The following H3-3A variants were observed in gnomAD, a reference collection of about 807,000 sequenced individuals.
H3-3A encodes H3.3 histone A.
For synonymous variants in H3-3A, 49 were observed against 61.4 expected (o/e 0.80, Z 0.95); for missense variants, 7 against 184.0 (o/e 0.04, Z 5.57).
chr1:226,062,614 A>T (rs1292741771), upstream of H3-3A: 2 of 112,468 alleles, frequency 1.8e-5, no homozygotes, highest in East Asian at 2.5e-4. Flanking sequence ...GAGAGGAGCT[A>T]TGGGGGCGGG....
At chr1:226,068,093 T>C (rs1419984820) in intron 3 of H3-3A, among the ~76,000 whole-genome samples, 1 of 152,272 alleles carries the variant, frequency 6.6e-6, no homozygotes, top group Non-Finnish European at 1.5e-5. Flanking sequence ...TGTAGTTCTT[T>C]TTTTTCTTTG....
At chr1:226,068,196 A>G (rs562724655) in intron 3 of H3-3A, among the ~76,000 whole-genome samples, 9 of 152,318 alleles carry the variant, frequency 5.9e-5, no homozygotes, top group Admixed American at 2.6e-4. Flanking sequence ...ACTTTGGGTT[A>G]CTTGTAATAA....
chr1:226,065,204 AT>A (rs1043765616), intron 2 of H3-3A, among the ~76,000 whole-genome samples: 8 of 152,202 alleles, frequency 5.3e-5, no homozygotes, highest in Non-Finnish European at 8.8e-5. Context: ...GGGTAGAGGT[AT>A]TCTGGGAAAT....
At chr1:226,063,410 T>G (rs913445212) in intron 1 of H3-3A, among the ~76,000 whole-genome samples, 1 of 124,344 alleles carries the variant, frequency 8.0e-6, no homozygotes, top group Admixed American at 7.4e-5. Flanking sequence ...CTTGATGCAT[T>G]TGAAATGCAA....
intron 3 of H3-3A, among the ~76,000 whole-genome samples, chr1:226,068,382 C>G (rs889864797): frequency 3.3e-5 from 5 of 152,216 alleles, no homozygotes; most frequent in African/African-American, 1.2e-4. Flanking sequence ...GAAAGGCCAC[C>G]AGAACCATGG....
rs1348808591 is a variant in H3-3A, at chr1:226,070,081, C to T, written c.283-1270C>T. Among the ~76,000 whole-genome samples, 4 of 152,150 alleles carry T rather than the reference C, an allele frequency of 2.6e-5. No homozygotes were observed. In the South Asian group the frequency reaches 8.3e-4, roughly 32 times the overall value. On this transcript the variant is annotated intron_variant, in intron 3 of 3. Transcript: ENST00000366815. Reference sequence around the variant, plus strand: ...ATGGGAAAAACCAGAGAAATCGATACTAGTACTAGAGGGCAACAAATGCTG... The same window carrying T: ...ATGGGAAAAACCAGAGAAATCGATATTAGTACTAGAGGGCAACAAATGCTG...
intron 1 of H3-3A, among the ~76,000 whole-genome samples, chr1:226,063,076 C>T (rs1657789891): frequency 6.6e-6 from 1 of 151,924 alleles, no homozygotes; most frequent in South Asian, 2.1e-4. Flanking sequence ...GCCCCTGGCT[C>T]CTCTTTCTTC....
At position 226,071,849 on chromosome 1, in the gene H3-3A, A is replaced by G; in HGVS notation, c.*370A>G. The G allele has an allele frequency of 4.8e-6, 1 of 208,230 alleles. No homozygotes were observed. The highest frequency in any genetic ancestry group is 9.5e-6 in the Non-Finnish European group (1 of 105,546). 12.9% of individuals were successfully genotyped at this position (208,230 alleles called of 1,614,324 possible). On this transcript the variant is annotated 3_prime_UTR_variant, in exon 4 of 4. Transcript: ENST00000366815. The stretch of plus-strand genomic sequence containing the variant: ...AGTAAATTTCTTATTGATGGCAACT[A>G]AATGGTGTTTGTAGCATTTTTATCA...
At chr1:226,071,285 C>T (rs962160808) in intron 3 of H3-3A, 66 bp from the exon 4 acceptor site, 38 of 1,302,618 alleles carry the variant, frequency 2.9e-5, no homozygotes, top group Non-Finnish European at 3.9e-5. Context: ...TGTTTTAATT[C>T]GTATAGTTGG....
intron 3 of H3-3A, among the ~76,000 whole-genome samples, chr1:226,070,352 G>C (rs192330336): frequency 6.6e-6 from 1 of 151,868 alleles, no homozygotes; most frequent in Non-Finnish European, 1.5e-5. Context: ...GGCGCCTGTA[G>C]CCCGAGCTAC....
At chr1:226,062,964 C>T (rs1024206133) in intron 1 of H3-3A, among the ~76,000 whole-genome samples, 153 bp downstream of exon 1, 1 of 152,052 alleles carries the variant, frequency 6.6e-6, no homozygotes, top group Admixed American at 6.5e-5. Context: ...GAGCGAGTTT[C>T]CCTGTTCCCT....
At chr1:226,069,581 C>G (rs1051740795) in intron 3 of H3-3A, among the ~76,000 whole-genome samples, 54 of 152,108 alleles carry the variant, frequency 3.6e-4, no homozygotes, top group African/African-American at 1.3e-3. Flanking sequence ...CCTGTAATCC[C>G]AGCACTTTGG....
At chr1:226,069,111 A>G (rs544845582) in intron 3 of H3-3A, among the ~76,000 whole-genome samples, 6 of 151,384 alleles carry the variant, frequency 4.0e-5, no homozygotes. Flanking sequence ...CAGTGGTGCA[A>G]TCTCGGCTTA....
intron 2 of H3-3A, among the ~76,000 whole-genome samples, chr1:226,064,893 C>T (rs1473484499): frequency 2.0e-5 from 3 of 151,972 alleles, no homozygotes; most frequent in African/African-American, 4.8e-5. Context: ...AAGTTCCTAC[C>T]CCCTCATTTA....
rs114553724 is a variant in H3-3A at position 226,069,933 on chromosome 1, G to C, written c.283-1418G>C. ...AGTATACTAAGAATTTGAGTTATGAGTTAATTCTAAGTGGAAACGCCCCTT... is the reference window on the plus strand; with the variant it reads ...AGTATACTAAGAATTTGAGTTATGACTTAATTCTAAGTGGAAACGCCCCTT... On this transcript the variant is annotated intron_variant, in intron 3 of 3. Transcript: ENST00000366815. Among the ~76,000 whole-genome samples, 1,026 of 152,318 alleles carry C rather than the reference G, an allele frequency of 6.7e-3. 12 individuals are homozygous for C. Among genetic ancestry groups the C allele is most frequent in the African/African-American group, 0.023 (975 of 41,562 alleles).
At chr1:226,064,047 G>T in intron 1 of H3-3A, 1 of 219,308 alleles carries the variant, frequency 4.6e-6, no homozygotes, top group Non-Finnish European at 9.3e-6. Context: ...TAAATAAATT[G>T]GATCAAAGGC....
upstream of H3-3A, among the ~76,000 whole-genome samples, chr1:226,062,340 C>G (rs1228661863): frequency 6.6e-6 from 1 of 151,044 alleles, no homozygotes; most frequent in Non-Finnish European, 1.5e-5. Context: ...CCTCCCCCCA[C>G]TTCCCTCCGG....
At chr1:226,065,612 C>G (rs1275576539) in intron 2 of H3-3A, 44 bp from the exon 3 acceptor site, 11 of 1,435,078 alleles carry the variant, frequency 7.7e-6, no homozygotes, top group Non-Finnish European at 1.0e-5. Context: ...CCTTTTTGTG[C>G]TAGTTATGTT....
intron 3 of H3-3A, chr1:226,066,883 T>C (rs747972888): frequency 1.3e-5 from 2 of 152,222 alleles, no homozygotes; most frequent in African/African-American, 2.4e-5. Context: ...GTGTAATTGG[T>C]CGAGCTGTTT....
Sources: allele counts gnomAD v4.1 joint callset (sites outside exome capture counted in the v4.1 genomes callset), GRCh38; gene constraint gnomAD v4.1.1; transcripts MANE v1.5; gene names NCBI Gene and HGNC (gene_info 2026-07-23, HGNC 2026-07-21).